CSMD1: variants seen among roughly 807,000 people sequenced by gnomAD.
CSMD1 encodes the protein CUB and Sushi multiple domains 1, also known as CUB and sushi domain-containing protein 1.
A neutral mutation model predicts 417.5 loss-of-function variants in CSMD1; 213 were observed. The ratio of observed to expected loss-of-function variants is 0.51; its 90% CI spans 0.46 to 0.57. The LOEUF (loss-of-function observed/expected upper bound fraction) is 0.57, where lower values mean the gene tolerates loss of function less well. Ranked by LOEUF, CSMD1 falls within the 20% of genes least tolerant of loss-of-function variation. The pLI, the probability that CSMD1 is intolerant of heterozygous loss-of-function variation, is 0.00. For missense variants in CSMD1, 6,923 were observed against 4,529.7 expected, an observed-to-expected ratio of 1.53 and a Z score of -15.17; for synonymous variants, 2,862 against 1,736.8, an observed-to-expected ratio of 1.65 and a Z score of -16.11.
chr8:3,873,280 A>G (rs751276241), intron 5 of CSMD1, among the ~76,000 whole-genome samples: 9 of 152,198 alleles, frequency 5.9e-5, no homozygotes, highest in Non-Finnish European at 1.2e-4. Context: ...TCTATTCACA[A>G]TAGCAAAGAC....
chr8:4,522,464 T>A (rs1243509965), intron 2 of CSMD1, among the ~76,000 whole-genome samples: 1 of 152,186 alleles, frequency 6.6e-6, no homozygotes, highest in Non-Finnish European at 1.5e-5. Context: ...GCAAGGAAAT[T>A]ACAGAACAAA....
intron 6 of CSMD1, among the ~76,000 whole-genome samples, chr8:3,721,316 G>C (rs900139814): frequency 6.6e-6 from 1 of 152,158 alleles, no homozygotes; most frequent in Non-Finnish European, 1.5e-5. Context: ...GGGTGTGTAA[G>C]TGAGTGTGTG....
intron 7 of CSMD1, among the ~76,000 whole-genome samples, chr8:3,676,444 G>C (rs184398032): frequency 1.8e-4 from 27 of 152,316 alleles, no homozygotes; most frequent in African/African-American, 6.0e-4. Flanking sequence ...GCTAACATTA[G>C]TTATGTAGAA....
At chr8:3,294,035 C>T (rs540695045) in intron 25 of CSMD1, among the ~76,000 whole-genome samples, 3 of 152,142 alleles carry the variant, frequency 2.0e-5, no homozygotes, top group African/African-American at 4.8e-5. Flanking sequence ...TGTTAGTTTT[C>T]CTTCTAACAG....
At chr8:3,404,461 G>C (rs572135596) in intron 15 of CSMD1, among the ~76,000 whole-genome samples, 2 of 152,218 alleles carry the variant, frequency 1.3e-5, no homozygotes, top group Admixed American at 1.3e-4. Context: ...GGTTGTCATG[G>C]AGGAGTTTAA....
chr8:3,997,348 C>G (rs1815294912), intron 5 of CSMD1, among the ~76,000 whole-genome samples: 1 of 152,108 alleles, frequency 6.6e-6, no homozygotes. Context: ...GGGGTACACA[C>G]CAGAGAACTG....
At chr8:4,700,591 G>T (rs995439392) in intron 1 of CSMD1, among the ~76,000 whole-genome samples, 1 of 152,050 alleles carries the variant, frequency 6.6e-6, no homozygotes, top group East Asian at 1.9e-4. Flanking sequence ...CTCAATTAGT[G>T]AAATAATTGG....
intron 5 of CSMD1, among the ~76,000 whole-genome samples, chr8:3,970,440 G>T (rs78205769): frequency 0.021 from 3,182 of 152,228 alleles, 50 homozygotes; most frequent in Non-Finnish European, 0.03. Flanking sequence ...CCCAGGACAT[G>T]GCCATGAGAA....
intron 26 of CSMD1, among the ~76,000 whole-genome samples, chr8:3,261,159 A>T (rs935003424): frequency 1.1e-4 from 17 of 152,220 alleles, no homozygotes; most frequent in Non-Finnish European, 2.2e-4. Context: ...TTTCTACTAT[A>T]TATGTTTTCT....
intron 2 of CSMD1, among the ~76,000 whole-genome samples, chr8:4,477,641 A>G (rs760748764): frequency 3.3e-5 from 5 of 152,172 alleles, no homozygotes; most frequent in Admixed American, 6.5e-5. Flanking sequence ...GAGATATCTA[A>G]GAAATCGTTG....
At chr8:3,910,141 C>A (rs955869659) in intron 5 of CSMD1, among the ~76,000 whole-genome samples, 1 of 152,142 alleles carries the variant, frequency 6.6e-6, no homozygotes, top group South Asian at 2.1e-4. Context: ...GTGAGCTTTT[C>A]TTACAACTTA....
At chr8:4,804,277 C>G (rs914301924) in intron 1 of CSMD1, among the ~76,000 whole-genome samples, 75 of 152,206 alleles carry the variant, frequency 4.9e-4, no homozygotes, top group African/African-American at 1.5e-3. Flanking sequence ...ATTATTGAAG[C>G]TGGAAAACCA....
At chr8:4,175,052 C>A (rs1025177417) in intron 3 of CSMD1, among the ~76,000 whole-genome samples, 2 of 151,742 alleles carry the variant, frequency 1.3e-5, no homozygotes, top group Non-Finnish European at 2.9e-5. Context: ...TCTAAGTGAA[C>A]CCTGGGCATC....
chr8:3,077,126 G>C (rs1044626489), intron 49 of CSMD1, among the ~76,000 whole-genome samples: 6 of 152,166 alleles, frequency 3.9e-5, no homozygotes, highest in African/African-American at 1.4e-4. Context: ...TGAAAGCAGA[G>C]ACTCCGGACT....
At chr8:4,059,691 A>G (rs1325065113) in intron 3 of CSMD1, among the ~76,000 whole-genome samples, 1 of 152,200 alleles carries the variant, frequency 6.6e-6, no homozygotes, top group Admixed American at 6.5e-5. Context: ...TAGAAAATCT[A>G]GAAGAAATGG....
At chr8:3,755,998 A>T (rs1427713711) in intron 5 of CSMD1, among the ~76,000 whole-genome samples, 1 of 152,020 alleles carries the variant, frequency 6.6e-6, no homozygotes, top group Non-Finnish European at 1.5e-5. Flanking sequence ...ATGTCTAAAA[A>T]ACTAGATTCA....
intron 5 of CSMD1, among the ~76,000 whole-genome samples, chr8:3,812,534 A>G (rs1563105126): frequency 6.6e-6 from 1 of 152,204 alleles, no homozygotes; most frequent in Admixed American, 6.5e-5. Flanking sequence ...AGAGTTCAAA[A>G]GCTAAGCTGA....
chr8:4,139,314 A>T, intron 3 of CSMD1, among the ~76,000 whole-genome samples: 1 of 152,226 alleles, frequency 6.6e-6, no homozygotes, highest in Non-Finnish European at 1.5e-5. Flanking sequence ...CGTTATACTT[A>T]TACGAAAATT....
intron 1 of CSMD1, among the ~76,000 whole-genome samples, chr8:4,704,988 C>T (rs1038672227): frequency 2.6e-5 from 4 of 152,172 alleles, no homozygotes; most frequent in African/African-American, 4.8e-5. Context: ...AATCCCTACA[C>T]GTGTTGAGGA....
Sources: allele counts gnomAD v4.1 joint callset (sites outside exome capture counted in the v4.1 genomes callset), GRCh38; gene constraint gnomAD v4.1.1; transcripts MANE v1.5; gene names NCBI Gene and HGNC (gene_info 2026-07-23, HGNC 2026-07-21).